The following PXK variants were observed in gnomAD, a reference collection of about 807,000 sequenced individuals.
The protein encoded by PXK is PX domain containing serine/threonine kinase like, also known as PX domain-containing protein kinase-like protein.
A neutral mutation model predicts 84.7 loss-of-function variants in PXK; 35 were observed. That is an observed-to-expected ratio of 0.41 (90% CI 0.32 to 0.55). The LOEUF is 0.55. PXK is among the 20% of genes least tolerant of loss of function. The pLI is 0.21. For missense variants in PXK, 634 were observed against 699.7 expected (o/e 0.91, Z 1.06); for synonymous variants, 253 against 260.8 (o/e 0.97, Z 0.29).
intron 6 of PXK, 152 bp downstream of exon 6, chr3:58,391,372 AT>A: frequency 1.5e-6 from 1 of 655,500 alleles, no homozygotes. Flanking sequence ...ATTTTGAGTC[AT>A]TTTCCTGTGT....
In PXK at chr3:58,383,784, GTGGAACTA is replaced by G. The variant is rs2098527237; in HGVS notation, c.388+1089_388+1096del. 6.6e-6 allele frequency among the ~76,000 whole-genome samples: 1 copy of G among 152,252 alleles called. No homozygotes were observed. The highest frequency in any genetic ancestry group is 6.5e-5 in the Admixed American group (1 of 15,290). ...AAACCATGCTTTAGAGACTTTCTAA[GTGGAACTA>G]TGGATATTGTTACTTTGCTTGCTAA... On this transcript the variant is annotated intron_variant, in intron 4 of 17. Transcript: ENST00000356151. The surrounding 1 kb of genome is among the most constrained non-coding windows in gnomAD (Gnocchi z 4.0).
At chr3:58,340,603 G>T (rs2097712413) in intron 1 of PXK, among the ~76,000 whole-genome samples, 1 of 152,048 alleles carries the variant, frequency 6.6e-6, no homozygotes, top group Non-Finnish European at 1.5e-5. Context: ...GCGCATGCCT[G>T]TAATCCCAGC....
At chr3:58,372,657 C>G (rs558214883) in intron 3 of PXK, among the ~76,000 whole-genome samples, 4 of 151,394 alleles carry the variant, frequency 2.6e-5, no homozygotes, top group African/African-American at 9.7e-5. Context: ...GATGGAGTCT[C>G]GCCCTGTCAC....
intron 1 of PXK, among the ~76,000 whole-genome samples, chr3:58,353,676 G>A (rs1453546048): frequency 6.6e-6 from 1 of 152,204 alleles, no homozygotes. Context: ...CAGAAACCTT[G>A]CTGTCCTCTA....
Position 58,409,711 on chromosome 3 carries a change from C to A in PXK, c.1395+93C>A. On this transcript the variant is annotated intron_variant, in intron 15 of 17. Transcript: ENST00000356151. The surrounding 1 kb of genome is among the most constrained non-coding windows in gnomAD (Gnocchi z 4.2). The stretch of plus-strand genomic sequence containing the variant: ...AATGGTGCCCATTTAATGACAGATG[C>A]TGTGCTATATCTCCTTGAAAGCTAA... 3.0e-6 allele frequency: 3 copies of A among 1,002,258 alleles called. No homozygotes were observed. The highest frequency in any genetic ancestry group is 4.4e-6 in the Non-Finnish European group (3 of 679,916). 62.1% of individuals were successfully genotyped at this position (1,002,258 alleles called of 1,614,324 possible).
At chr3:58,420,198 T>G (rs971859588) in intron 17 of PXK, among the ~76,000 whole-genome samples, 4 of 152,248 alleles carry the variant, frequency 2.6e-5, no homozygotes, top group African/African-American at 9.6e-5. Context: ...AAAACCTTCA[T>G]GGCTTTTCTG....
chr3:58,368,073 G>C (rs1224199057), intron 2 of PXK, among the ~76,000 whole-genome samples: 1 of 152,144 alleles, frequency 6.6e-6, no homozygotes, highest in Non-Finnish European at 1.5e-5. Flanking sequence ...CTAAGCTCAA[G>C]GGATCCTCCT....
In PXK at chr3:58,411,289, T is replaced by C. The variant is rs2060163719; in HGVS notation, c.1465+1130T>C. On this transcript the variant is annotated intron_variant, in intron 16 of 17. Transcript: ENST00000356151. The surrounding 1 kb of genome is among the most constrained non-coding windows in gnomAD (Gnocchi z 4.2). ...AGAGCTGGAGATTGGCAGCCCTGAA[T>C]AGAGAAAGCCCATAAACTCCAGAAG... Among the ~76,000 whole-genome samples the C allele has an allele frequency of 6.6e-6, 1 of 152,006 alleles. No homozygotes were observed. Among genetic ancestry groups the C allele is most frequent in the Non-Finnish European group, 1.5e-5 (1 of 67,998 alleles).
chr3:58,395,797 A>G (rs1483776601), intron 9 of PXK, 38 bp downstream of exon 9: 1 of 1,517,624 alleles, frequency 6.6e-7, no homozygotes, highest in Non-Finnish European at 9.1e-7. Flanking sequence ...TTCAGATTTC[A>G]TCCAAAATTG....
rs1042749409 is a variant in PXK at position 58,390,464 on chromosome 3, A to G, written c.389-118A>G. The G allele has an allele frequency of 4.1e-5, 22 of 531,032 alleles. No individual in the cohort carries two copies. In the African/African-American group the frequency reaches 4.3e-4, roughly 10 times the overall value. 32.9% of individuals were successfully genotyped at this position (531,032 alleles called of 1,614,324 possible). A position where few individuals can be genotyped will look rare whatever the true frequency, so the allele number is the denominator to read the frequency against. ...TCTTTATTATTATTTTTTTTTTGGT[A>G]ATTAAGTTTTTTAAAAAGGTCATAG... On this transcript the variant is annotated intron_variant, in intron 4 of 17. Coordinates refer to ENST00000356151, the MANE Select transcript of PXK (RefSeq NM_017771.5). The surrounding 1 kb of genome is among the most constrained non-coding windows in gnomAD (Gnocchi z 4.2).
In PXK at chr3:58,385,539, C is replaced by T. The variant is rs1451891795; in HGVS notation, c.388+2839C>T. Among the ~76,000 whole-genome samples the T allele has an allele frequency of 6.6e-6, 1 of 152,170 alleles. No individual in the cohort carries two copies. Among genetic ancestry groups the T allele is most frequent in the Non-Finnish European group, 1.5e-5 (1 of 68,018 alleles). ...TTTGAGCAAGGGTCTCACTCTGTTG[C>T]CCAGGCTGGAGCGCAGTGGCACTAT... On this transcript the variant is annotated intron_variant, in intron 4 of 17. Transcript: ENST00000356151. This position sits in a 1 kb window ranked among gnomAD's most constrained non-coding sequence, Gnocchi z 5.1.
intron 3 of PXK, among the ~76,000 whole-genome samples, chr3:58,369,773 G>A (rs141650980): frequency 5.9e-4 from 88 of 147,982 alleles, no homozygotes; most frequent in African/African-American, 2.0e-3. Flanking sequence ...GTGGTGAGCC[G>A]AGATCGCACC....
chr3:58,408,618 G>A (rs9790204), intron 13 of PXK, among the ~76,000 whole-genome samples: 36,175 of 151,650 alleles, frequency 0.24, 6,026 homozygotes, highest in East Asian at 0.8. Context: ...CGCCTCCCGG[G>A]TTCACGCCAT....
At position 58,404,749 on chromosome 3, in the gene PXK, T is replaced by G. The variant is rs2059134657; in HGVS notation, c.1230+839T>G. ...AAGGTAATTCTCCCTCTCCTTTCTATATTCCAAAAGAACATGTAATACTAT... is the reference window on the plus strand; with the variant it reads ...AAGGTAATTCTCCCTCTCCTTTCTAGATTCCAAAAGAACATGTAATACTAT... On this transcript the variant is annotated intron_variant, in intron 13 of 17. Transcript: ENST00000356151. Among the ~76,000 whole-genome samples the G allele has an allele frequency of 1.3e-5, 2 of 152,170 alleles. 1 individual carries two copies. The highest frequency in any genetic ancestry group is 4.1e-4 in the South Asian group (2 of 4,828).
rs893225094 is a variant in PXK, at chr3:58,379,365, G to A, written c.202-3149G>A. Reference sequence around the variant, plus strand: ...ACTTGGTGTAAGTTGCTCTTTAATTGTCTTCCTGTGGATATGTTTTGTAGG... The same window carrying A: ...ACTTGGTGTAAGTTGCTCTTTAATTATCTTCCTGTGGATATGTTTTGTAGG... On this transcript the variant is annotated intron_variant, in intron 3 of 17. Transcript: ENST00000356151. This position sits in a 1 kb window ranked among gnomAD's most constrained non-coding sequence, Gnocchi z 5.1. 2.0e-5 allele frequency: 3 copies of A among 153,206 alleles called. No homozygotes were observed. Among genetic ancestry groups the A allele is most frequent in the Admixed American group, 6.5e-5 (1 of 15,268 alleles). The allele number at this position is 153,206 out of a possible 1,614,324, so 9.5% of individuals were successfully genotyped here. A position where few individuals can be genotyped will look rare whatever the true frequency, so the allele number is the denominator to read the frequency against.
intron 1 of PXK, among the ~76,000 whole-genome samples, chr3:58,362,430 T>C (rs12634722): frequency 0.47 from 71,206 of 152,048 alleles, 18,044 homozygotes; most frequent in East Asian, 0.99. Flanking sequence ...GAGTGTCCAA[T>C]TGCTCTGACA....
chr3:58,349,730 A>G (rs914625715), intron 1 of PXK, among the ~76,000 whole-genome samples: 1 of 152,238 alleles, frequency 6.6e-6, no homozygotes, highest in Non-Finnish European at 1.5e-5. Context: ...TATTTTAGCC[A>G]CTAGGCTAAT....
intron 17 of PXK, chr3:58,423,411 C>A (rs2062249087): frequency 6.6e-7 from 1 of 1,518,290 alleles, no homozygotes; most frequent in Non-Finnish European, 8.8e-7. Context: ...TTGAGCATTC[C>A]AAGATTGCAG....
At chr3:58,351,789 C>T (rs1043562704) in intron 1 of PXK, among the ~76,000 whole-genome samples, 2 of 150,428 alleles carry the variant, frequency 1.3e-5, no homozygotes, top group African/African-American at 2.4e-5. Flanking sequence ...AATTGTTTCT[C>T]ATATTTAAAG....
Sources: allele counts gnomAD v4.1 joint callset (sites outside exome capture counted in the v4.1 genomes callset), GRCh38; gene constraint gnomAD v4.1.1; non-coding constraint Gnocchi (gnomAD v3.1); transcripts MANE v1.5; gene names NCBI Gene and HGNC (gene_info 2026-07-23, HGNC 2026-07-21).